The following CDC5L variants were observed in gnomAD, a reference collection of about 807,000 sequenced individuals.
CDC5L encodes cell division cycle 5-like protein.
In CDC5L, 18 loss-of-function variants were observed where a neutral mutation model predicts 104.1. That is an observed-to-expected ratio of 0.17 (90% confidence interval 0.12 to 0.26). The LOEUF is 0.26. Among genes scored for constraint, CDC5L ranks in the 10% least tolerant of loss-of-function variants. The pLI, the probability that CDC5L is intolerant of heterozygous loss-of-function variation, is 1.00. For synonymous variants in CDC5L, 331 were observed against 322.7 expected (o/e 1.03, Z -0.28); for missense variants, 673 against 956.9 (o/e 0.70, Z 3.91).
intron 3 of CDC5L, among the ~76,000 whole-genome samples, chr6:44,393,039 T>C (rs920569392): frequency 3.9e-5 from 6 of 152,070 alleles, no homozygotes; most frequent in Non-Finnish European, 8.8e-5. Flanking sequence ...TTTAAAAGAA[T>C]TATACAAGTC....
intron 9 of CDC5L, among the ~76,000 whole-genome samples, chr6:44,421,788 T>C (rs1266022446): frequency 1.3e-5 from 2 of 152,236 alleles, no homozygotes; most frequent in African/African-American, 4.8e-5. Flanking sequence ...ATACGTTATA[T>C]GCAAATACGA....
chr6:44,424,682 G>C (rs1204886055), intron 11 of CDC5L, 99 bp downstream of exon 11: 1 of 1,114,550 alleles, frequency 9.0e-7, no homozygotes, highest in Admixed American at 2.7e-5. Context: ...TCTCTACCTA[G>C]TCCTTTTTAA....
chr6:44,408,531 A>C lies in CDC5L; in HGVS notation c.991A>C (p.Asn331His), dbSNP rs1201026543. The change falls in exon 8 of 16, where the codon AAT becomes CAT. Residue 331 changes from asparagine to histidine, a missense_variant. Around this residue, in one of 4 missense-constraint regions of CDC5L, gnomAD observed 578 missense variants for 737.0 expected, o/e 0.78. Transcript: ENST00000371477. ...AACTGCCGAGGAATCTGGCATAACAAATTCTGCTTCCAGTACACTTTTGTC... is the reference window on the plus strand; with the variant it reads ...AACTGCCGAGGAATCTGGCATAACACATTCTGCTTCCAGTACACTTTTGTC... ...RQTAEESGIT[N>H]SASSTLLSEY... is the part of the protein sequence containing the mutation. The C allele has an allele frequency of 1.2e-6, 2 of 1,613,960 alleles. No individual in the cohort carries two copies. The highest frequency in any genetic ancestry group is 1.7e-5 in the Admixed American group (1 of 60,004).
chr6:44,431,591 C>T (rs1280286973), intron 14 of CDC5L, among the ~76,000 whole-genome samples: 2 of 152,076 alleles, frequency 1.3e-5, no homozygotes, highest in Admixed American at 1.3e-4. Flanking sequence ...ATGGCAAGAA[C>T]ATTTTGTGCT....
Position 44,424,530 on chromosome 6 carries a change from G to A in CDC5L, c.1516G>A (p.Glu506Lys). ...TGCCGAGAAGGAGCTGGAAGAACGTGAAATAGATGATACTTACATTGAAGA... is the reference window on the plus strand; with the variant it reads ...TGCCGAGAAGGAGCTGGAAGAACGTAAAATAGATGATACTTACATTGAAGA... ...ENAEKELEER[E>K]IDDTYIEDAA... The change falls in exon 11 of 16, where the codon GAA becomes AAA. Residue 506 changes from glutamate (E) to lysine (K), a missense_variant. By Grantham distance (56) the Glu-to-Lys change is moderately conservative. Coordinates refer to ENST00000371477, the MANE Select transcript of CDC5L (RefSeq NM_001253.4). 1 of 1,613,994 alleles carries A rather than the reference G, an allele frequency of 6.2e-7. No homozygotes were observed. The highest frequency in any genetic ancestry group is 8.5e-7 in the Non-Finnish European group (1 of 1,179,936).
At chr6:44,411,589 T>A (rs2153378725) in intron 8 of CDC5L, among the ~76,000 whole-genome samples, 1 of 147,702 alleles carries the variant, frequency 6.8e-6, no homozygotes, top group South Asian at 2.3e-4. Flanking sequence ...CCTCTGTTTT[T>A]TGTAAATCCT....
At chr6:44,402,361 T>G (rs1469707853) in intron 5 of CDC5L, among the ~76,000 whole-genome samples, 2 of 152,232 alleles carry the variant, frequency 1.3e-5, no homozygotes, top group African/African-American at 4.8e-5. Flanking sequence ...ATTCTTGTGT[T>G]TCTTACCGAG....
chr6:44,431,702 G>C (rs1327500689), intron 14 of CDC5L, among the ~76,000 whole-genome samples: 1 of 152,106 alleles, frequency 6.6e-6, no homozygotes, highest in African/African-American at 2.4e-5. Context: ...AGTGAGTGGT[G>C]CCATAAAGTA....
intron 7 of CDC5L, among the ~76,000 whole-genome samples, chr6:44,407,911 T>A (rs9357444): frequency 0.11 from 17,203 of 152,276 alleles, 1,699 homozygotes; most frequent in East Asian, 0.55. Flanking sequence ...TTAGATTTTC[T>A]TAGGGATCTT....
chr6:44,431,855 C>T (rs550697189), intron 14 of CDC5L, among the ~76,000 whole-genome samples: 1 of 152,278 alleles, frequency 6.6e-6, no homozygotes, highest in East Asian at 1.9e-4. Context: ...TTGTTCAGTT[C>T]AGTACCAGGA....
intron 1 of CDC5L, 26 bp from the exon 2 acceptor site, chr6:44,390,242 A>G: frequency 6.8e-7 from 1 of 1,463,876 alleles, no homozygotes; most frequent in Non-Finnish European, 9.6e-7. Flanking sequence ...TTGTGACTGA[A>G]TGTACTCTTT....
intron 8 of CDC5L, among the ~76,000 whole-genome samples, chr6:44,414,225 G>A (rs1791799525): frequency 6.6e-6 from 1 of 152,058 alleles, no homozygotes; most frequent in African/African-American, 2.4e-5. Context: ...GACTACAGGT[G>A]TGCACCACTG....
chr6:44,430,036 GA>G, intron 14 of CDC5L, 126 bp downstream of exon 14: 1 of 665,156 alleles, frequency 1.5e-6, no homozygotes, highest in South Asian at 2.1e-5. Flanking sequence ...AGTTGTTGGA[GA>G]AAACTACACT....
chr6:44,426,499 A>G lies in CDC5L; in HGVS notation c.1668A>G (p.Leu556=), dbSNP rs138606198. The G allele has an allele frequency of 1.3e-6, 2 of 1,522,380 alleles. No homozygotes were observed. Among genetic ancestry groups the G allele is most frequent in the Non-Finnish European group, 9.1e-7 (1 of 1,097,978 alleles). The allele number at this position is 1,522,380 out of a possible 1,614,324, so 94.3% of individuals were successfully genotyped here. A position where few individuals can be genotyped will look rare whatever the true frequency, so the allele number is the denominator to read the frequency against. Residue 556 remains leucine (L), a synonymous_variant, in exon 13 of 16, where the codon CTA becomes CTG. Coordinates refer to ENST00000371477, the MANE Select transcript of CDC5L (RefSeq NM_001253.4). ...PRPSEVNETI[L]RPLNVEPPLT... ...AATTTTAGGTAAATGAAACTATTCT[A>G]AGACCCTTAAATGTAGAACCGCCTT...
chr6:44,393,411 TG>T, intron 3 of CDC5L, 34 bp from the exon 4 acceptor site: 1 of 1,601,588 alleles, frequency 6.2e-7, no homozygotes, highest in Non-Finnish European at 8.5e-7. Flanking sequence ...TAAATGGTAC[TG>T]TAGTGTGACT....
intron 13 of CDC5L, 130 bp from the exon 14 acceptor site, chr6:44,429,582 CT>C (rs1422425200): frequency 1.4e-6 from 1 of 692,430 alleles, no homozygotes; most frequent in Non-Finnish European, 2.5e-6. Flanking sequence ...GTTATCCACC[CT>C]TCCAAAAAAC....
Position 44,387,758 on chromosome 6 carries a change from C to T in CDC5L, c.-66C>T, listed in dbSNP as rs1790392731. On this transcript the variant is annotated 5_prime_UTR_variant, in exon 1 of 16. Coordinates refer to ENST00000371477, the MANE Select transcript of CDC5L (RefSeq NM_001253.4). Reference sequence around the variant, plus strand: ...GAAGTGGCGGCTTTGAGTCCGGTGGCCCAATCGCTGTTACTACTTCTCTGA... The same window carrying T: ...GAAGTGGCGGCTTTGAGTCCGGTGGTCCAATCGCTGTTACTACTTCTCTGA... 1.4e-6 allele frequency: 2 copies of T among 1,403,864 alleles called. No homozygotes were observed. The highest frequency in any genetic ancestry group is 2.0e-5 in the Admixed American group (1 of 50,320). The allele number at this position is 1,403,864 out of a possible 1,614,324, so 87.0% of individuals were successfully genotyped here. A position where few individuals can be genotyped will look rare whatever the true frequency, so the allele number is the denominator to read the frequency against.
At chr6:44,421,107 A>AC (rs1210080925) in intron 9 of CDC5L, among the ~76,000 whole-genome samples, 2 of 152,090 alleles carry the variant, frequency 1.3e-5, no homozygotes, top group Non-Finnish European at 2.9e-5. Context: ...ACATCCATAT[A>AC]CCCACCACTT....
At chr6:44,424,628 C>G in intron 11 of CDC5L, 45 bp downstream of exon 11, 4 of 1,586,954 alleles carry the variant, frequency 2.5e-6, no homozygotes, top group Non-Finnish European at 3.5e-6. Context: ...CTGAATGTGT[C>G]AGTAGGCTGG....
Sources: allele counts gnomAD v4.1 joint callset (sites outside exome capture counted in the v4.1 genomes callset), GRCh38; gene constraint gnomAD v4.1.1; regional missense constraint gnomAD v4.1.1; transcripts MANE v1.5; gene names NCBI Gene and HGNC (gene_info 2026-07-23, HGNC 2026-07-21).